CYP24A1: variants seen among roughly 807,000 people sequenced by gnomAD.
The protein encoded by CYP24A1 is cytochrome P450 family 24 subfamily A member 1, also known as 1,25-dihydroxyvitamin D(3) 24-hydroxylase, mitochondrial.
A neutral mutation model predicts 62.4 loss-of-function variants in CYP24A1; 68 were observed. That is an observed-to-expected ratio of 1.09 (90% CI 0.90 to 1.33). The LOEUF is 1.33. Ranked by LOEUF, CYP24A1 falls within the 40% of genes most tolerant of loss-of-function variation. The probability of loss-of-function intolerance (pLI) is 0.00; values close to 1 mark genes in which losing one functional copy is unlikely to be tolerated. For missense variants in CYP24A1, 787 were observed against 653.0 expected, an observed-to-expected ratio of 1.21 and a Z score of -2.24; for synonymous variants, 267 against 253.0, an observed-to-expected ratio of 1.06 and a Z score of -0.52.
chr20:54,148,917 C>T (rs774646802), downstream of CYP24A1, among the ~76,000 whole-genome samples: 13 of 152,164 alleles, frequency 8.5e-5, no homozygotes, highest in Non-Finnish European at 1.6e-4. Context: ...CCATCCTGGC[C>T]AACATGGTGA....
intron 7 of CYP24A1, 52 bp from the exon 8 acceptor site, chr20:54,159,175 C>T (rs1488613887): frequency 1.4e-6 from 2 of 1,433,972 alleles, no homozygotes; most frequent in Non-Finnish European, 9.8e-7. Flanking sequence ...CTGCATTAAA[C>T]CACTATTAGC....
the CYP24A1 span, among the ~76,000 whole-genome samples, chr20:54,145,941 G>A: frequency 0.34 from 51,178 of 152,124 alleles, 8,746 homozygotes; most frequent in South Asian, 0.42. Context: ...AGTAAATTTT[G>A]TAGTAGCACC....
chr20:54,164,469 T>C lies in CYP24A1; in HGVS notation c.827A>G (p.Asp276Gly). 1.2e-6 allele frequency: 2 copies of C among 1,614,122 alleles called. No homozygotes were observed. The highest frequency in any genetic ancestry group is 1.7e-6 in the Non-Finnish European group (2 of 1,180,018). Residue 276 changes from aspartate (D) to glycine (G), a missense_variant, in exon 6 of 12, where the codon GAC becomes GGC. Asp to Gly is a moderately conservative substitution (Grantham distance 94). Transcript: ENST00000216862. Reference sequence around the variant, plus strand: ...CCCTTTACCTGATTTGAAAATGGTGTCCCAGGCCAGAGTGTGGTCCTGCCA... The same window carrying C: ...CCCTTTACCTGATTTGAAAATGGTGCCCCAGGCCAGAGTGTGGTCCTGCCA... ...KVWQDHTLAW[D>G]TIFKSVKACI...
rs775698372 is a variant in CYP24A1 at position 54,157,206 on chromosome 20, T to C, written c.1518A>G (p.Glu506=). ...LHSGTLVPSR[E]LPIAFCQR ...ATCGCTGGCAAAACGCGATGGGGAGTTCCCGGCTGGGCACCAGGGTGCCTG... is the reference window on the plus strand; with the variant it reads ...ATCGCTGGCAAAACGCGATGGGGAGCTCCCGGCTGGGCACCAGGGTGCCTG... The change falls in exon 11 of 12, where the codon GAA becomes GAG. Residue 506 remains glutamate (E), a synonymous_variant. Coordinates refer to ENST00000216862, the MANE Select transcript of CYP24A1 (RefSeq NM_000782.5). 1.2e-6 allele frequency: 2 copies of C among 1,609,426 alleles called. No individual in the cohort carries two copies. The highest frequency in any genetic ancestry group is 1.7e-6 in the Non-Finnish European group (2 of 1,176,092).
intron 7 of CYP24A1, among the ~76,000 whole-genome samples, chr20:54,161,812 C>T (rs1030872456): frequency 6.6e-6 from 1 of 152,190 alleles, no homozygotes; most frequent in African/African-American, 2.4e-5. Context: ...GAAATGAGAA[C>T]CTCGCTATCT....
At chr20:54,166,557 A>T (rs2092672724) in intron 4 of CYP24A1, among the ~76,000 whole-genome samples, 2 of 152,194 alleles carry the variant, frequency 1.3e-5, no homozygotes, top group African/African-American at 2.4e-5. Flanking sequence ...CTCTCAGGTC[A>T]CTTCACCGTT....
the CYP24A1 span, among the ~76,000 whole-genome samples, chr20:54,145,271 C>T: frequency 1.3e-5 from 2 of 149,132 alleles, no homozygotes; most frequent in African/African-American, 4.9e-5. Flanking sequence ...CTTATTTTTC[C>T]GGAAGCTCTA....
chr20:54,161,527 G>A (rs1182975051), intron 7 of CYP24A1, among the ~76,000 whole-genome samples: 3 of 152,062 alleles, frequency 2.0e-5, no homozygotes, highest in African/African-American at 7.2e-5. Flanking sequence ...CAGGCATACA[G>A]TAGGCACTCA....
chr20:54,162,219 CCTTTTTTTTTTT>C (rs2092653043), intron 7 of CYP24A1, among the ~76,000 whole-genome samples: 1 of 86,572 alleles, frequency 1.2e-5, no homozygotes, highest in African/African-American at 4.8e-5. Context: ...AGAGAGTATG[CCTTTTTTTTTTT>C]TTTTTTTTTT....
In CYP24A1 at chr20:54,173,276, G is replaced by GGGTCCCA. The variant is rs771223374; in HGVS notation, c.258+45_258+46insTGGGACC. The GGGTCCCA allele has an allele frequency of 6.3e-7, 1 of 1,577,180 alleles. No homozygotes were observed. Among genetic ancestry groups the GGGTCCCA allele is most frequent in the South Asian group, 1.1e-5 (1 of 89,380 alleles). On this transcript the variant is annotated intron_variant, in intron 1 of 11. Coordinates refer to ENST00000216862, the MANE Select transcript of CYP24A1 (RefSeq NM_000782.5). The surrounding 1 kb of genome is among the most constrained non-coding windows in gnomAD (Gnocchi z 7.2). ...GGGAGGGTTTGGAGCGCCACTGGGAGGGCGGAAGAGGGAGGAGAGAGTCAG... is the reference window on the plus strand; with the variant it reads ...GGGAGGGTTTGGAGCGCCACTGGGAGGGTCCCAGGCGGAAGAGGGAGGAGAGAGTCAG...
rs2092700884 is a variant in CYP24A1, at chr20:54,173,224, C to T, written c.258+98G>A. The T allele has an allele frequency of 1.3e-6, 2 of 1,514,248 alleles. No homozygotes were observed. Among genetic ancestry groups the T allele is most frequent in the African/African-American group, 1.4e-5 (1 of 73,180 alleles). The allele number at this position is 1,514,248 out of a possible 1,614,324, so 93.8% of individuals were successfully genotyped here. On this transcript the variant is annotated intron_variant, in intron 1 of 11. Coordinates refer to ENST00000216862, the MANE Select transcript of CYP24A1 (RefSeq NM_000782.5). The surrounding 1 kb of genome is among the most constrained non-coding windows in gnomAD (Gnocchi z 7.2). ...CCCTCCCTGCCCAGACGCCGAAGCG[C>T]ACCATGCGCCCGAGGCGCGCATGTC...
chr20:54,155,173 A>T (rs1445606342), intron 11 of CYP24A1, among the ~76,000 whole-genome samples: 3 of 152,056 alleles, frequency 2.0e-5, no homozygotes, highest in African/African-American at 7.2e-5. Flanking sequence ...GTTGGTTGGG[A>T]TGCTCAGAAT....
In CYP24A1 at chr20:54,173,498, C is replaced by T. The variant is rs1383121875; in HGVS notation, c.82G>A (p.Val28Met). The change falls in exon 1 of 12, where the codon GTG (valine) becomes ATG (methionine). Residue 28 changes from valine to methionine, a missense_variant. Coordinates refer to ENST00000216862, the MANE Select transcript of CYP24A1 (RefSeq NM_000782.5). The surrounding 1 kb of genome is among the most constrained non-coding windows in gnomAD (Gnocchi z 7.2). The stretch of plus-strand genomic sequence containing the variant: ...GGGGACGTGTACGCCGTAGATGTCA[C>T]CAGTCTCGGGGGCTGCCTCGGACTG... ...LRSPRQPPRL[V>M]TSTAYTSPQP... The T allele has an allele frequency of 1.3e-6, 2 of 1,567,530 alleles. No individual in the cohort carries two copies.
intron 4 of CYP24A1, 134 bp downstream of exon 4, chr20:54,169,458 A>C: frequency 2.0e-6 from 3 of 1,536,236 alleles, no homozygotes; most frequent in Non-Finnish European, 2.6e-6. Context: ...ACCTAAAAGA[A>C]GCATTAAAAG....
In CYP24A1 at chr20:54,159,196, G is replaced by A. The variant is rs1601128096; in HGVS notation, c.991-73C>T. 4.2e-6 allele frequency: 5 copies of A among 1,191,738 alleles called. No individual in the cohort carries two copies. In the East Asian group the frequency reaches 1.2e-4, roughly 28 times the overall value. 73.8% of individuals were successfully genotyped at this position (1,191,738 alleles called of 1,614,324 possible). On this transcript the variant is annotated intron_variant, in intron 7 of 11. Transcript: ENST00000216862. ...TAAACCACTATTAGCTGAAAAAAAG[G>A]TGATGCCCACCACCTTATTCTGCAA...
Position 54,157,231 on chromosome 20 carries a change from G to C in CYP24A1, c.1493C>G (p.Ser498Ter). Residue 498 changes from serine (S) to a stop codon, truncating the protein, a stop_gained, in exon 11 of 12, where the codon TCA becomes TGA. Transcript: ENST00000216862. LOFTEE classifies it high-confidence loss of function. Reference protein sequence around the residue: ...TDNEPVEMLHSGTLVPSRELP... With the variant: ...TDNEPVEMLH ...TTCCCGGCTGGGCACCAGGGTGCCTGAGTGTAGCATCTCAACAGGCTCATT... is the reference window on the plus strand; with the variant it reads ...TTCCCGGCTGGGCACCAGGGTGCCTCAGTGTAGCATCTCAACAGGCTCATT... 2 of 1,613,550 alleles carry C rather than the reference G, an allele frequency of 1.2e-6. No homozygotes were observed. Among genetic ancestry groups the C allele is most frequent in the Non-Finnish European group, 1.7e-6 (2 of 1,179,496 alleles).
chr20:54,162,218 GC>G (rs2092652955), intron 7 of CYP24A1, among the ~76,000 whole-genome samples: 2 of 91,614 alleles, frequency 2.2e-5, no homozygotes, highest in African/African-American at 4.3e-5. Flanking sequence ...AAGAGAGTAT[GC>G]CTTTTTTTTT....
At chr20:54,165,169 G>T (rs1467991780) in intron 5 of CYP24A1, among the ~76,000 whole-genome samples, 4 of 152,268 alleles carry the variant, frequency 2.6e-5, no homozygotes, top group African/African-American at 9.6e-5. Flanking sequence ...ACGGGGCCGC[G>T]CAGCAGGAGG....
chr20:54,161,583 G>A (rs1045069921), intron 7 of CYP24A1, among the ~76,000 whole-genome samples: 34 of 151,758 alleles, frequency 2.2e-4, no homozygotes, highest in African/African-American at 7.3e-4. Flanking sequence ...TCTATCAGCC[G>A]CTACTAGATG....
Sources: allele counts gnomAD v4.1 joint callset (sites outside exome capture counted in the v4.1 genomes callset), GRCh38; gene constraint gnomAD v4.1.1; non-coding constraint Gnocchi (gnomAD v3.1); transcripts MANE v1.5; gene names NCBI Gene and HGNC (gene_info 2026-07-23, HGNC 2026-07-21).